The following DNMT3A variants were observed in gnomAD, a reference collection of about 807,000 sequenced individuals.
DNMT3A encodes DNA (cytosine-5)-methyltransferase 3A.
Under a neutral mutation model 117.6 loss-of-function variants are expected in DNMT3A, and 267 were observed. The observed-to-expected ratio is 2.27, with a 90% confidence interval of 2.05 to 2.51. The LOEUF is 2.51. Ranked by LOEUF, DNMT3A falls within the 30% of genes most tolerant of loss-of-function variation. The pLI is 0.00. For synonymous variants in DNMT3A, 432 were observed against 474.8 expected (o/e 0.91, Z 1.17); for missense variants, 1,029 against 1,260.2 (o/e 0.82, Z 2.78).
chr2:25,297,072 C>T (rs1165730578), intron 3 of DNMT3A, among the ~76,000 whole-genome samples: 1 of 152,182 alleles, frequency 6.6e-6, no homozygotes, highest in Non-Finnish European at 1.5e-5. Context: ...AGCCATCTCT[C>T]CTGTGCTCCT....
chr2:25,306,279 G>A lies in DNMT3A; in HGVS notation c.73-6036C>T, dbSNP rs544516539. Among the ~76,000 whole-genome samples the A allele has an allele frequency of 6.6e-6, 1 of 152,328 alleles. No homozygotes were observed. Among genetic ancestry groups the A allele is most frequent in the South Asian group, 2.1e-4 (1 of 4,828 alleles). On this transcript the variant is annotated intron_variant, in intron 2 of 22. Coordinates refer to ENST00000321117, the MANE Select transcript of DNMT3A (RefSeq NM_022552.5). The surrounding 1 kb of genome is among the most constrained non-coding windows in gnomAD (Gnocchi z 4.1). Reference sequence around the variant, plus strand: ...GTCAGGCAGTGGGCTGGGAATCACTGTAGATGCGCATGGGCCCAGAGCCCT... The same window carrying A: ...GTCAGGCAGTGGGCTGGGAATCACTATAGATGCGCATGGGCCCAGAGCCCT...
At chr2:25,323,354 C>CTG (rs1299038372) in intron 1 of DNMT3A, among the ~76,000 whole-genome samples, 1 of 152,192 alleles carries the variant, frequency 6.6e-6, no homozygotes. Context: ...CTTCCGGGGA[C>CTG]TGTGAGCTTT....
At position 25,229,212 on chromosome 2, in the gene DNMT3A, C is replaced by T. The variant is rs1672780046; in HGVS notation, c.*5067G>A. ...AAACGTAAAGATTCCAGAGCTCACA[C>T]TACAACAGCAGAGTCCATCCTCTCA... On this transcript the variant is annotated 3_prime_UTR_variant, in exon 23 of 23. Transcript: ENST00000321117. 6 of 152,448 alleles carry T rather than the reference C, an allele frequency of 3.9e-5. No individual in the cohort carries two copies. Among genetic ancestry groups the T allele is most frequent in the Admixed American group, 3.3e-4 (5 of 15,290 alleles). The allele number at this position is 152,448 out of a possible 1,614,324, so 9.4% of individuals were successfully genotyped here. A position where few individuals can be genotyped will look rare whatever the true frequency, so the allele number is the denominator to read the frequency against.
At position 25,239,213 on chromosome 2, in the gene DNMT3A, G is replaced by T; in HGVS notation, c.2325C>A (p.Ser775=). 1 of 1,613,700 alleles carries T rather than the reference G, an allele frequency of 6.2e-7. No homozygotes were observed. Among genetic ancestry groups the T allele is most frequent in the South Asian group, 1.1e-5 (1 of 91,018 alleles). ...CTTTGGCATCAATCATCACAGGGTT[G>T]GACTACAAAACAGGAGACGGTTTGA... ...DKRDISRFLE[S]NPVMIDAKEV... The change falls in exon 20 of 23, where the codon TCC becomes TCA. Residue 775 remains serine, a splice_region_variant and synonymous_variant. Transcript: ENST00000321117.
rs1676495314 is a variant in DNMT3A at position 25,260,341 on chromosome 2, T to G, written c.640-12089A>C. On this transcript the variant is annotated intron_variant, in intron 6 of 22. Transcript: ENST00000321117. ...CCTACAAGTACTGTCCCAGAGCTTC[T>G]GCTCCAGGAGTGTGCCTTTTTAATG... Among the ~76,000 whole-genome samples, 5 of 152,344 alleles carry G rather than the reference T, an allele frequency of 3.3e-5. 1 individual carries two copies. The South Asian group carries it at 1.0e-3, about 32-fold the overall frequency.
At position 25,236,444 on chromosome 2, in the gene DNMT3A, A is replaced by G. The variant is rs979580555; in HGVS notation, c.2478+492T>C. On this transcript the variant is annotated intron_variant, in intron 21 of 22. Coordinates refer to ENST00000321117, the MANE Select transcript of DNMT3A (RefSeq NM_022552.5). The surrounding 1 kb of genome is among the most constrained non-coding windows in gnomAD (Gnocchi z 4.5). ...AAAGAATTAGTTCTTTCAGAGATGG[A>G]GTAACTTGTAGGCTAAAGGATGCCA... Among the ~76,000 whole-genome samples the G allele has an allele frequency of 1.3e-5, 2 of 152,176 alleles. No individual in the cohort carries two copies. The highest frequency in any genetic ancestry group is 1.9e-4 in the East Asian group (1 of 5,200).
chr2:25,328,247 C>T (rs573599908), intron 1 of DNMT3A, among the ~76,000 whole-genome samples: 5 of 152,302 alleles, frequency 3.3e-5, no homozygotes, highest in Non-Finnish European at 5.9e-5. Context: ...GATTTGCACA[C>T]GTGGTAAAAT....
chr2:25,248,557 T>TTA (rs952332864), intron 6 of DNMT3A, among the ~76,000 whole-genome samples: 15 of 150,680 alleles, frequency 1.0e-4, no homozygotes, highest in African/African-American at 3.6e-4. Context: ...ATTTATTTAT[T>TTA]TTTTTTTTTG....
At position 25,313,945 on chromosome 2, in the gene DNMT3A, T is replaced by C. The variant is rs1373614770; in HGVS notation, c.40A>G (p.Ser14Gly). ...TCCTCCTCCCGCTCCGCAGCAGAGCTGCTGGTGTCCCCGGGGCCGCTGGAG... is the reference window on the plus strand; with the variant it reads ...TCCTCCTCCCGCTCCGCAGCAGAGCCGCTGGTGTCCCCGGGGCCGCTGGAG... ...MPSSGPGDTS[S>G]SAAEREEDRK... is the part of the protein sequence containing the mutation. The change falls in exon 2 of 23, where the codon AGC becomes GGC. Residue 14 changes from serine to glycine, a missense_variant. Ser to Gly is a moderately conservative substitution (Grantham distance 56, BLOSUM62 0). Transcript: ENST00000321117. The C allele has an allele frequency of 6.4e-7, 1 of 1,550,536 alleles. No individual in the cohort carries two copies. Among genetic ancestry groups the C allele is most frequent in the Non-Finnish European group, 8.7e-7 (1 of 1,147,252 alleles).
chr2:25,314,032 T>C lies in DNMT3A; in HGVS notation c.-48A>G. The C allele has an allele frequency of 1.3e-6, 2 of 1,489,084 alleles. No homozygotes were observed. The highest frequency in any genetic ancestry group is 1.8e-6 in the Non-Finnish European group (2 of 1,120,754). The allele number at this position is 1,489,084 out of a possible 1,614,324, so 92.2% of individuals were successfully genotyped here. ...GGGCTGCGCGGGGCTGGGGGGCTGC[T>C]GGGCTTTGGGGAAGGAATTATCGTG... is the stretch of plus-strand genomic sequence containing the variant. On this transcript the variant is annotated 5_prime_UTR_variant, in exon 2 of 23. Transcript: ENST00000321117.
chr2:25,262,897 T>C (rs1397054814), intron 6 of DNMT3A, among the ~76,000 whole-genome samples: 2 of 152,184 alleles, frequency 1.3e-5, no homozygotes, highest in Admixed American at 6.5e-5. Context: ...CATGCCTCCT[T>C]CTCTTTGCCC....
Position 25,252,438 on chromosome 2 carries a change from C to T in DNMT3A, c.640-4186G>A. 2.4e-6 allele frequency: 1 copy of T among 419,500 alleles called. No individual in the cohort carries two copies. The allele number at this position is 419,500 out of a possible 1,614,324, so 26.0% of individuals were successfully genotyped here. ...GGCTGCGAGCGGCCCGGGGAGGGGG[C>T]CGGCGCTCCGACGCTGGCGCTGGGC... On this transcript the variant is annotated intron_variant, in intron 6 of 22. Transcript: ENST00000321117. This position sits in a 1 kb window ranked among gnomAD's most constrained non-coding sequence, Gnocchi z 5.5.
At chr2:25,287,123 T>G (rs943268542) in intron 3 of DNMT3A, among the ~76,000 whole-genome samples, 1 of 152,160 alleles carries the variant, frequency 6.6e-6, no homozygotes, top group Non-Finnish European at 1.5e-5. Context: ...AACAATCTGC[T>G]TTTGTTTGCT....
In DNMT3A at chr2:25,232,474, A is replaced by C. The variant is rs543232611; in HGVS notation, c.*1805T>G. ...CTATCATCAGACCAAGTACTAGAAA[A>C]GAAATACACACCACTCCAATCACAC... On this transcript the variant is annotated 3_prime_UTR_variant, in exon 23 of 23. Transcript: ENST00000321117. This position sits in a 1 kb window ranked among gnomAD's most constrained non-coding sequence, Gnocchi z 4.1. 1 of 152,368 alleles carries C rather than the reference A, an allele frequency of 6.6e-6. No homozygotes were observed. The highest frequency in any genetic ancestry group is 2.1e-4 in the South Asian group (1 of 4,832). 9.4% of individuals were successfully genotyped at this position (152,368 alleles called of 1,614,324 possible).
chr2:25,317,385 T>C (rs530852438), intron 1 of DNMT3A, among the ~76,000 whole-genome samples: 1 of 152,156 alleles, frequency 6.6e-6, no homozygotes, highest in African/African-American at 2.4e-5. Context: ...AGACATAAAA[T>C]CACAAGATTA....
chr2:25,242,620 G>A (rs949190078), intron 16 of DNMT3A, among the ~76,000 whole-genome samples: 5 of 152,156 alleles, frequency 3.3e-5, no homozygotes, highest in Admixed American at 6.5e-5. Flanking sequence ...CATCCCCTCC[G>A]CCTCACCCTC....
rs1463542664 is a variant in DNMT3A, at chr2:25,252,347, G to T, written c.640-4095C>A. Reference sequence around the variant, plus strand: ...TGGGAGGGGAGGGGGGCGGCGGGGGGGAGGGAGGGAACATTTTCTTTGTCT... The same window carrying T: ...TGGGAGGGGAGGGGGGCGGCGGGGGTGAGGGAGGGAACATTTTCTTTGTCT... On this transcript the variant is annotated intron_variant, in intron 6 of 22. Coordinates refer to ENST00000321117, the MANE Select transcript of DNMT3A (RefSeq NM_022552.5). This position sits in a 1 kb window ranked among gnomAD's most constrained non-coding sequence, Gnocchi z 5.5. The T allele has an allele frequency of 7.5e-6, 3 of 402,150 alleles. No individual in the cohort carries two copies. The highest frequency in any genetic ancestry group is 4.3e-5 in the African/African-American group (2 of 46,130). 24.9% of individuals were successfully genotyped at this position (402,150 alleles called of 1,614,324 possible). A position where few individuals can be genotyped will look rare whatever the true frequency, so the allele number is the denominator to read the frequency against.
At position 25,236,203 on chromosome 2, in the gene DNMT3A, C is replaced by T. The variant is rs1573298493; in HGVS notation, c.2479-378G>A. On this transcript the variant is annotated intron_variant, in intron 21 of 22. Transcript: ENST00000321117. This position sits in a 1 kb window ranked among gnomAD's most constrained non-coding sequence, Gnocchi z 4.5. Reference sequence around the variant, plus strand: ...GCCTCAGACTCCTGAGTAGCTGGGACTACAGGCGCCCGCCACCATGCCTGG... The same window carrying T: ...GCCTCAGACTCCTGAGTAGCTGGGATTACAGGCGCCCGCCACCATGCCTGG... 6.6e-6 allele frequency among the ~76,000 whole-genome samples: 1 copy of T among 152,118 alleles called. No individual in the cohort carries two copies. The highest frequency in any genetic ancestry group is 2.4e-5 in the African/African-American group (1 of 41,422).
chr2:25,275,153 C>T (rs548339033), intron 5 of DNMT3A, 66 bp from the exon 6 acceptor site: 40 of 1,485,280 alleles, frequency 2.7e-5, no homozygotes, highest in Middle Eastern at 1.8e-4. Context: ...AGGAGGCACT[C>T]GCCTCAAACA....
Sources: gnomAD v4.1 joint callset for allele counts (sites outside exome capture counted in the v4.1 genomes callset) on GRCh38, gnomAD v4.1.1 for gene constraint, Gnocchi (gnomAD v3.1) non-coding constraint, MANE v1.5 for transcripts, NCBI Gene and HGNC (gene_info 2026-07-23, HGNC 2026-07-21) for gene names.